PCDHGA4: variants seen among roughly 807,000 people sequenced by gnomAD.
PCDHGA4 encodes the protein protocadherin gamma-A4.
PCDHGA4 carries 38 observed loss-of-function variants against 54.6 expected under a neutral mutation model. That is an observed-to-expected ratio of 0.70 (90% CI 0.54 to 0.91). The LOEUF (loss-of-function observed/expected upper bound fraction) is 0.91. PCDHGA4 is among the 40% of genes least tolerant of loss of function. PCDHGA4 has a pLI of 0.00. For missense variants in PCDHGA4, 1,298 were observed against 1,220.9 expected (o/e 1.06, Z -0.94); for synonymous variants, 511 against 512.9 (o/e 1.00, Z 0.05).
chr5:141,508,777 AG>A (rs1428861784), intron 3 of PCDHGA4, among the ~76,000 whole-genome samples: 3 of 150,778 alleles, frequency 2.0e-5, no homozygotes, highest in Non-Finnish European at 4.4e-5. Context: ...TCCCCCCTCT[AG>A]CCCCTAAATC....
intron 1 of PCDHGA4, chr5:141,388,782 A>G (rs1589071559): frequency 6.2e-7 from 1 of 1,613,902 alleles, no homozygotes; most frequent in African/African-American, 1.3e-5. Flanking sequence ...CGGGGAAATT[A>G]CTGTTTTAAA....
intron 1 of PCDHGA4, chr5:141,387,783 C>A: frequency 6.8e-7 from 1 of 1,467,932 alleles, no homozygotes; most frequent in Non-Finnish European, 9.1e-7. Context: ...TGAACTGGAA[C>A]TGCAACTAAA....
Position 141,413,696 on chromosome 5 carries a change from A to G in PCDHGA4, c.2514+56075A>G, listed in dbSNP as rs753150251. On this transcript the variant is annotated intron_variant, in intron 1 of 3. Coordinates refer to ENST00000571252, the MANE Select transcript of PCDHGA4 (RefSeq NM_018917.4). ...GTGGGCGTGAACTCCCTGCAGAGCTATCAGCTCAGCCCCAATAAGCACTTC... is the reference window on the plus strand; with the variant it reads ...GTGGGCGTGAACTCCCTGCAGAGCTGTCAGCTCAGCCCCAATAAGCACTTC... 3.1e-6 allele frequency: 5 copies of G among 1,613,522 alleles called. No homozygotes were observed. In the Admixed American group the frequency reaches 6.7e-5, roughly 22 times the overall value.
intron 1 of PCDHGA4, chr5:141,421,959 A>G (rs2096614103): frequency 1.9e-6 from 3 of 1,612,798 alleles, no homozygotes; most frequent in East Asian, 2.2e-5. Flanking sequence ...CAATGTTTAC[A>G]CAGTCCGTAT....
chr5:141,438,658 G>GTA (rs2098048375), intron 1 of PCDHGA4, among the ~76,000 whole-genome samples: 7 of 77,996 alleles, frequency 9.0e-5, no homozygotes, highest in African/African-American at 1.9e-4. Flanking sequence ...ACACATATAT[G>GTA]TATATATATA....
Position 141,487,243 on chromosome 5 carries a change from C to T in PCDHGA4, c.2515-7564C>T. 1 of 1,614,114 alleles carries T rather than the reference C, an allele frequency of 6.2e-7. No individual in the cohort carries two copies. The highest frequency in any genetic ancestry group is 8.5e-7 in the Non-Finnish European group (1 of 1,180,000). Reference sequence around the variant, plus strand: ...CAAGGGAAGGAGAATCTCGTCTAACCCTCTACTTGGCTGTGTCCCTAGTGG... The same window carrying T: ...CAAGGGAAGGAGAATCTCGTCTAACTCTCTACTTGGCTGTGTCCCTAGTGG... On this transcript the variant is annotated intron_variant, in intron 1 of 3. Coordinates refer to ENST00000571252, the MANE Select transcript of PCDHGA4 (RefSeq NM_018917.4). The surrounding 1 kb of genome is among the most constrained non-coding windows in gnomAD (Gnocchi z 5.0).
Position 141,360,032 on chromosome 5 carries a change from T to A in PCDHGA4, c.2514+2411T>A, listed in dbSNP as rs112657435. 771 of 1,390,572 alleles carry A rather than the reference T, an allele frequency of 5.5e-4. 6 individuals are homozygous for A. In the East Asian group the frequency reaches 0.015, roughly 27 times the overall value. The allele number at this position is 1,390,572 out of a possible 1,614,324, so 86.1% of individuals were successfully genotyped here. A position where few individuals can be genotyped will look rare whatever the true frequency, so the allele number is the denominator to read the frequency against. The stretch of plus-strand genomic sequence containing the variant: ...CCACACAGAGAAGGCCAGTATAGAT[T>A]CGGAAACAGAAAACAAAAGCAGGAA... On this transcript the variant is annotated intron_variant, in intron 1 of 3. Transcript: ENST00000571252.
chr5:141,361,147 C>T, intron 1 of PCDHGA4: 2 of 1,613,956 alleles, frequency 1.2e-6, no homozygotes, highest in Non-Finnish European at 8.5e-7. Flanking sequence ...AGTTGAAATT[C>T]TTGATGACAA....
At position 141,357,164 on chromosome 5, in the gene PCDHGA4, C is replaced by T. The variant is rs776850117; in HGVS notation, c.2057C>T (p.Ser686Leu). ...VVQDHGQPPL[S>L]ATVTLTVAVA... Reference sequence around the variant, plus strand: ...CAGGACCATGGCCAGCCCCCTCTCTCGGCCACCGTCACACTCACTGTGGCT... The same window carrying T: ...CAGGACCATGGCCAGCCCCCTCTCTTGGCCACCGTCACACTCACTGTGGCT... The change falls in exon 1 of 4, where the codon TCG becomes TTG. Residue 686 changes from serine to leucine, a missense_variant. Physicochemically the swap from Ser to Leu is moderately radical, Grantham distance 145. Transcript: ENST00000571252. The T allele has an allele frequency of 1.6e-5, 26 of 1,613,508 alleles. No homozygotes were observed. The highest frequency in any genetic ancestry group is 1.1e-4 in the East Asian group (5 of 44,886).
At chr5:141,366,898 G>A in intron 1 of PCDHGA4, 4 of 1,204,000 alleles carry the variant, frequency 3.3e-6, no homozygotes, top group Non-Finnish European at 3.4e-6. Flanking sequence ...TATAATTCAT[G>A]CTTTCTCCAT....
chr5:141,362,656 G>C, intron 1 of PCDHGA4: 1 of 1,396,522 alleles, frequency 7.2e-7, no homozygotes, highest in South Asian at 1.5e-5. Flanking sequence ...AGTTAGATTT[G>C]GCCAATGTTG....
chr5:141,401,940 A>T (rs1423719749), intron 1 of PCDHGA4, among the ~76,000 whole-genome samples: 1 of 152,236 alleles, frequency 6.6e-6, no homozygotes, highest in Non-Finnish European at 1.5e-5. Flanking sequence ...AATAATGTTT[A>T]AGACCACTTT....
At chr5:141,445,357 G>A (rs115045385) in intron 1 of PCDHGA4, among the ~76,000 whole-genome samples, 18 of 152,258 alleles carry the variant, frequency 1.2e-4, no homozygotes, top group Admixed American at 1.1e-3. Context: ...GTCTGCCCAA[G>A]TCTGGTCCTG....
Position 141,388,496 on chromosome 5 carries a change from G to C in PCDHGA4, c.2514+30875G>C. The stretch of plus-strand genomic sequence containing the variant: ...TGAAGACACCTTTGGACAGAGAAAA[G>C]CAGAAATCCTACCACTTGACTTTGA... On this transcript the variant is annotated intron_variant, in intron 1 of 3. Coordinates refer to ENST00000571252, the MANE Select transcript of PCDHGA4 (RefSeq NM_018917.4). 1 of 1,613,828 alleles carries C rather than the reference G, an allele frequency of 6.2e-7. No individual in the cohort carries two copies. Among genetic ancestry groups the C allele is most frequent in the Admixed American group, 1.7e-5 (1 of 60,022 alleles).
intron 1 of PCDHGA4, chr5:141,415,444 T>A (rs770800491): frequency 1.9e-6 from 3 of 1,614,184 alleles, no homozygotes; most frequent in Non-Finnish European, 2.5e-6. Context: ...CCTGCAGACC[T>A]ATTCCCACGA....
intron 1 of PCDHGA4, chr5:141,389,481 C>G (rs372276550): frequency 3.7e-5 from 60 of 1,612,962 alleles, no homozygotes; most frequent in African/African-American, 8.0e-5. Flanking sequence ...ACTGCAGGCC[C>G]GCGACCAGGG....
chr5:141,452,678 C>T (rs1311364057), intron 1 of PCDHGA4, among the ~76,000 whole-genome samples: 1 of 150,100 alleles, frequency 6.7e-6, no homozygotes, highest in African/African-American at 2.5e-5. Flanking sequence ...GCCTAGGCCA[C>T]AGAATGAAAC....
At position 141,431,495 on chromosome 5, in the gene PCDHGA4, G is replaced by A. The variant is rs557611439; in HGVS notation, c.2515-63312G>A. The A allele has an allele frequency of 4.3e-6, 7 of 1,613,864 alleles. No homozygotes were observed. The highest frequency in any genetic ancestry group is 1.1e-5 in the South Asian group (1 of 91,092). On this transcript the variant is annotated intron_variant, in intron 1 of 3. Coordinates refer to ENST00000571252, the MANE Select transcript of PCDHGA4 (RefSeq NM_018917.4). This position sits in a 1 kb window ranked among gnomAD's most constrained non-coding sequence, Gnocchi z 4.8. ...CAACGCACCAGCGTTTGCTCAGCCC[G>A]AGTACCGCGCGAGCGTTCCGGAGAA...
At position 141,477,210 on chromosome 5, in the gene PCDHGA4, C is replaced by G. The variant is rs780852225; in HGVS notation, c.2515-17597C>G. 1.2e-6 allele frequency: 2 copies of G among 1,614,142 alleles called. No individual in the cohort carries two copies. The highest frequency in any genetic ancestry group is 1.7e-6 in the Non-Finnish European group (2 of 1,180,030). On this transcript the variant is annotated intron_variant, in intron 1 of 3. Coordinates refer to ENST00000571252, the MANE Select transcript of PCDHGA4 (RefSeq NM_018917.4). The surrounding 1 kb of genome is among the most constrained non-coding windows in gnomAD (Gnocchi z 4.9). ...GTGTACAGCCCAGTACCCGAGGATG[C>G]CCCTCTGGGGACTGTCATCGCTTTG...
Sources: allele counts gnomAD v4.1 joint callset (sites outside exome capture counted in the v4.1 genomes callset), GRCh38; gene constraint gnomAD v4.1.1; non-coding constraint Gnocchi (gnomAD v3.1); transcripts MANE v1.5; gene names NCBI Gene and HGNC (gene_info 2026-07-23, HGNC 2026-07-21).